The following SLC25A42 variants were observed in gnomAD, a reference collection of about 807,000 sequenced individuals.
SLC25A42 encodes solute carrier family 25 member 42.
A neutral mutation model predicts 34.7 loss-of-function variants in SLC25A42; 19 were observed. The observed-to-expected ratio is 0.55, with a 90% confidence interval of 0.38 to 0.80. The LOEUF (loss-of-function observed/expected upper bound fraction) is 0.80. Among genes scored for constraint, SLC25A42 ranks in the 30% least tolerant of loss-of-function variants. The pLI is 0.00. For missense variants in SLC25A42, 364 were observed against 441.3 expected, an observed-to-expected ratio of 0.82 and a Z score of 1.57; for synonymous variants, 205 against 191.2, an observed-to-expected ratio of 1.07 and a Z score of -0.59.
Position 19,070,444 on chromosome 19 carries a change from C to T in SLC25A42, c.-35+6329C>T, listed in dbSNP as rs988271673. Among the ~76,000 whole-genome samples, 4 of 151,924 alleles carry T rather than the reference C, an allele frequency of 2.6e-5. No individual in the cohort carries two copies. In the East Asian group the frequency reaches 5.8e-4, roughly 22 times the overall value. On this transcript the variant is annotated intron_variant, in intron 1 of 7. Transcript: ENST00000318596. The stretch of plus-strand genomic sequence containing the variant: ...TCCCAAGTAGCTAGGATTACAGGTG[C>T]GCACCACCGCATCCAGCTAATTTTT...
intron 6 of SLC25A42, 131 bp from the exon 7 acceptor site, chr19:19,107,763 G>A (rs939330462): frequency 2.8e-5 from 24 of 851,468 alleles, no homozygotes; most frequent in Admixed American, 1.1e-4. Context: ...ATGTCTTGAA[G>A]AAGAAGGAAA....
chr19:19,074,321 G>A (rs923192935), intron 1 of SLC25A42, among the ~76,000 whole-genome samples: 5 of 152,210 alleles, frequency 3.3e-5, no homozygotes, highest in Admixed American at 1.3e-4. Context: ...TGGGGTTAAC[G>A]GGCAGCAGCC....
intron 1 of SLC25A42, among the ~76,000 whole-genome samples, chr19:19,077,482 C>T (rs944822003): frequency 7.2e-5 from 11 of 152,190 alleles, no homozygotes; most frequent in African/African-American, 1.2e-4. Flanking sequence ...GTGACTGGCT[C>T]ATTTCACTCA....
chr19:19,073,817 A>G (rs1409161063), intron 1 of SLC25A42, among the ~76,000 whole-genome samples: 1 of 152,138 alleles, frequency 6.6e-6, no homozygotes, highest in Non-Finnish European at 1.5e-5. Flanking sequence ...TAAATGATCC[A>G]TCTGCCTTGG....
chr19:19,085,668 G>A (rs1345753783), intron 1 of SLC25A42, among the ~76,000 whole-genome samples: 7 of 152,196 alleles, frequency 4.6e-5, no homozygotes, highest in African/African-American at 9.6e-5. Flanking sequence ...CACCACACCC[G>A]GCCAATAGCC....
intron 2 of SLC25A42, among the ~76,000 whole-genome samples, chr19:19,100,140 G>A (rs186131946): frequency 8.6e-5 from 13 of 151,922 alleles, no homozygotes; most frequent in East Asian, 2.0e-4. Flanking sequence ...CCAGGAATTC[G>A]AGACCAGCCT....
chr19:19,104,152 A>G (rs2059813487), intron 3 of SLC25A42, among the ~76,000 whole-genome samples: 1 of 152,022 alleles, frequency 6.6e-6, no homozygotes, highest in Admixed American at 6.6e-5. Flanking sequence ...ACCTCAGGTG[A>G]TCCACCCGCC....
chr19:19,087,390 C>T (rs1226335441), intron 1 of SLC25A42, among the ~76,000 whole-genome samples: 3 of 152,074 alleles, frequency 2.0e-5, no homozygotes, highest in East Asian at 1.9e-4. Flanking sequence ...CAGGTTCAAG[C>T]GATTCTCCTG....
intron 1 of SLC25A42, among the ~76,000 whole-genome samples, chr19:19,083,050 G>A (rs1002907597): frequency 1.2e-4 from 18 of 152,036 alleles, no homozygotes; most frequent in African/African-American, 3.9e-4. Context: ...ATGAACTCTT[G>A]ACCTCAGGTG....
chr19:19,064,053 G>T lies in SLC25A42; in HGVS notation c.-97G>T. 6.5e-6 allele frequency: 1 copy of T among 152,884 alleles called. No individual in the cohort carries two copies. The highest frequency in any genetic ancestry group is 1.9e-4 in the South Asian group (1 of 5,232). 9.5% of individuals were successfully genotyped at this position (152,884 alleles called of 1,614,324 possible). ...CGGCGACGCGTCCGGGCCGGTGAGG[G>T]GGCGCGGGGGGCGCCGGGGGGGCCC... On this transcript the variant is annotated 5_prime_UTR_variant, in exon 1 of 8. Coordinates refer to ENST00000318596, the MANE Select transcript of SLC25A42 (RefSeq NM_178526.5).
chr19:19,083,543 C>CCCCTG (rs368869650), intron 1 of SLC25A42, among the ~76,000 whole-genome samples: 28 of 152,338 alleles, frequency 1.8e-4, no homozygotes, highest in African/African-American at 6.5e-4. Context: ...TGGCCTCCTG[C>CCCCTG]CCCTGCCCTG....
intron 1 of SLC25A42, among the ~76,000 whole-genome samples, chr19:19,068,078 G>A (rs1178499632): frequency 1.3e-5 from 2 of 152,092 alleles, no homozygotes; most frequent in African/African-American, 2.4e-5. Flanking sequence ...TATATTGGCC[G>A]GGCACAGTGG....
chr19:19,097,338 C>G (rs960250746), intron 2 of SLC25A42, among the ~76,000 whole-genome samples: 2 of 152,224 alleles, frequency 1.3e-5, no homozygotes, highest in Non-Finnish European at 2.9e-5. Context: ...CCGGGGTCAC[C>G]ACCAGGTGAC....
chr19:19,072,601 T>G (rs769060022), intron 1 of SLC25A42, among the ~76,000 whole-genome samples: 3 of 152,174 alleles, frequency 2.0e-5, no homozygotes, highest in Non-Finnish European at 4.4e-5. Context: ...CAGGCTGGTC[T>G]CAAACTCCTG....
chr19:19,093,746 C>T (rs755929271), intron 1 of SLC25A42, among the ~76,000 whole-genome samples: 17 of 152,122 alleles, frequency 1.1e-4, no homozygotes, highest in Admixed American at 2.0e-4. Flanking sequence ...GGCGTGATCT[C>T]GGCTCACTGC....
chr19:19,101,585 T>C (rs1249743713), intron 2 of SLC25A42, among the ~76,000 whole-genome samples, 196 bp from the exon 3 acceptor site: 1 of 152,202 alleles, frequency 6.6e-6, no homozygotes, highest in Non-Finnish European at 1.5e-5. Flanking sequence ...TGGGAGGTTT[T>C]CACTGTGTCC....
intron 2 of SLC25A42, among the ~76,000 whole-genome samples, chr19:19,097,147 C>T (rs2059769934): frequency 6.6e-6 from 1 of 152,196 alleles, no homozygotes; most frequent in African/African-American, 2.4e-5. Flanking sequence ...GAAACACAGA[C>T]CGACCCAGCC....
At chr19:19,069,406 T>C (rs1389450510) in intron 1 of SLC25A42, among the ~76,000 whole-genome samples, 3 of 152,208 alleles carry the variant, frequency 2.0e-5, no homozygotes, top group Non-Finnish European at 4.4e-5. Flanking sequence ...TTCCCGTGGC[T>C]GCCATAATAA....
At chr19:19,086,509 C>T (rs2059709222) in intron 1 of SLC25A42, among the ~76,000 whole-genome samples, 1 of 152,188 alleles carries the variant, frequency 6.6e-6, no homozygotes, top group Non-Finnish European at 1.5e-5. Flanking sequence ...CCTGTTTTCA[C>T]CCACTCATTG....
Sources: allele counts gnomAD v4.1 joint callset (sites outside exome capture counted in the v4.1 genomes callset), GRCh38; gene constraint gnomAD v4.1.1; transcripts MANE v1.5; gene names NCBI Gene and HGNC (gene_info 2026-07-23, HGNC 2026-07-21).